TSHZ2: variants seen among roughly 807,000 people sequenced by gnomAD.
The protein encoded by TSHZ2 is teashirt zinc finger homeobox 2.
Under a neutral mutation model 74.4 loss-of-function variants are expected in TSHZ2, and 21 were observed. The ratio of observed to expected loss-of-function variants is 0.28; its 90% confidence interval spans 0.20 to 0.41. TSHZ2 has a LOEUF of 0.41. Among genes scored for constraint, TSHZ2 ranks in the 10% least tolerant of loss-of-function variants. The probability of loss-of-function intolerance (pLI) is 1.00; values close to 1 mark genes in which losing one functional copy is unlikely to be tolerated. For synonymous variants in TSHZ2, 540 were observed against 515.3 expected (o/e 1.05, Z -0.65); for missense variants, 1,244 against 1,293.5 (o/e 0.96, Z 0.59).
rs1293648959 is a variant in TSHZ2 at position 53,456,560 on chromosome 20, A to G, written c.*9-30584A>G. Among the ~76,000 whole-genome samples the G allele has an allele frequency of 5.5e-5, 6 of 109,264 alleles. 1 individual carries two copies. Among genetic ancestry groups the G allele is most frequent in the Admixed American group, 2.9e-4 (3 of 10,504 alleles). The allele number at this position is 109,264 out of a possible 152,430, so 71.7% of individuals were successfully genotyped here. A position where few individuals can be genotyped will look rare whatever the true frequency, so the allele number is the denominator to read the frequency against. On this transcript the variant is annotated intron_variant, in intron 2 of 2. Coordinates refer to ENST00000371497, the MANE Select transcript of TSHZ2 (RefSeq NM_173485.6). ...TTGCTGTGCAGAAGCTCTTTAGTTT[A>G]ATTAGATCCCATTTGTAAATTTTGT...
intron 1 of TSHZ2, among the ~76,000 whole-genome samples, chr20:53,079,199 T>A (rs1985454930): frequency 6.6e-6 from 1 of 152,192 alleles, no homozygotes; most frequent in Admixed American, 6.5e-5. Flanking sequence ...CTACTTTTAG[T>A]AGAAGTCAGT....
intron 2 of TSHZ2, among the ~76,000 whole-genome samples, chr20:53,403,616 G>A (rs1238447254): frequency 2.0e-5 from 3 of 152,208 alleles, no homozygotes; most frequent in Non-Finnish European, 4.4e-5. Context: ...CTGAGTGTGT[G>A]TGCGGTACAC....
intron 2 of TSHZ2, among the ~76,000 whole-genome samples, chr20:53,284,727 C>T (rs564406785): frequency 5.9e-5 from 9 of 151,356 alleles, no homozygotes; most frequent in Non-Finnish European, 1.0e-4. Context: ...CCCCCCACCC[C>T]CATTGTGTGA....
At chr20:53,461,863 CA>C (rs548130924) in intron 2 of TSHZ2, among the ~76,000 whole-genome samples, 58 of 152,186 alleles carry the variant, frequency 3.8e-4, no homozygotes, top group Admixed American at 1.4e-3. Context: ...CAATTTCCAA[CA>C]AACTCTTTTT....
chr20:53,038,866 TTTTG>T (rs1247315914), intron 1 of TSHZ2, among the ~76,000 whole-genome samples: 15 of 134,946 alleles, frequency 1.1e-4, no homozygotes, highest in Admixed American at 6.7e-4. Context: ...CTTGTTTTTT[TTTTG>T]TTTGTTTGTT....
At chr20:53,353,076 G>A (rs76087477) in intron 2 of TSHZ2, among the ~76,000 whole-genome samples, 1,705 of 152,196 alleles carry the variant, frequency 0.011, 35 homozygotes, top group African/African-American at 0.035. Flanking sequence ...ATTTATAAAG[G>A]ACTAGAAAAC....
intron 1 of TSHZ2, among the ~76,000 whole-genome samples, chr20:53,027,294 TACAC>T (rs1051164412): frequency 1.3e-5 from 2 of 152,220 alleles, no homozygotes; most frequent in South Asian, 2.1e-4. Context: ...CATATACACA[TACAC>T]ACATATCCAT....
Position 53,016,036 on chromosome 20 carries a change from T to G in TSHZ2, c.40+42703T>G, listed in dbSNP as rs558028978. 1.4e-3 allele frequency among the ~76,000 whole-genome samples: 212 copies of G among 152,300 alleles called. 3 individuals are homozygous for G. Among genetic ancestry groups the G allele is most frequent in the African/African-American group, 4.4e-3 (183 of 41,566 alleles). ...GCATCATTGTCTCGGCTCAGCGATG[T>G]AAATCACCATAATGGACGAATCTTT... On this transcript the variant is annotated intron_variant, in intron 1 of 2. Coordinates refer to ENST00000371497, the MANE Select transcript of TSHZ2 (RefSeq NM_173485.6).
chr20:53,329,623 C>T (rs556360145), intron 2 of TSHZ2, among the ~76,000 whole-genome samples: 16 of 138,266 alleles, frequency 1.2e-4, no homozygotes, highest in South Asian at 2.2e-4. Flanking sequence ...ATGGGCCTTG[C>T]GTCTAGACTA....
At chr20:53,275,303 T>A (rs1990919879) in intron 2 of TSHZ2, among the ~76,000 whole-genome samples, 1 of 152,160 alleles carries the variant, frequency 6.6e-6, no homozygotes. Context: ...GTCTCCTCTG[T>A]CCTCATGTTA....
At chr20:53,211,914 G>C (rs774539721) in intron 1 of TSHZ2, among the ~76,000 whole-genome samples, 1 of 152,146 alleles carries the variant, frequency 6.6e-6, no homozygotes, top group Admixed American at 6.5e-5. Flanking sequence ...GGAGTCCCTG[G>C]TGTCTGTTAT....
At chr20:53,342,505 T>C in intron 2 of TSHZ2, among the ~76,000 whole-genome samples, 1 of 152,122 alleles carries the variant, frequency 6.6e-6, no homozygotes, top group Non-Finnish European at 1.5e-5. Flanking sequence ...GGGCAATGAT[T>C]CCTTAATAAC....
intron 1 of TSHZ2, among the ~76,000 whole-genome samples, chr20:52,980,356 T>C (rs2122875414): frequency 6.6e-6 from 1 of 152,086 alleles, no homozygotes; most frequent in East Asian, 1.9e-4. Flanking sequence ...TGAAAAGCTG[T>C]AGTGTCCATT....
At chr20:53,175,298 G>A (rs528276434) in intron 1 of TSHZ2, among the ~76,000 whole-genome samples, 3 of 151,576 alleles carry the variant, frequency 2.0e-5, no homozygotes, top group Admixed American at 6.6e-5. Flanking sequence ...CCACCACCAC[G>A]CCTGGCTAAT....
At chr20:53,417,241 G>GACAAACACACAC (rs1983292745) in intron 2 of TSHZ2, among the ~76,000 whole-genome samples, 1 of 138,048 alleles carries the variant, frequency 7.2e-6, no homozygotes, top group African/African-American at 2.7e-5. Context: ...GACACACACA[G>GACAAACACACAC]ACACACACAC....
At chr20:53,291,552 C>A (rs1022885224) in intron 2 of TSHZ2, among the ~76,000 whole-genome samples, 1 of 151,674 alleles carries the variant, frequency 6.6e-6, no homozygotes, top group Non-Finnish European at 1.5e-5. Flanking sequence ...AGAATCTACA[C>A]CAGCTAACAG....
chr20:53,200,200 A>G (rs1018816627), intron 1 of TSHZ2, among the ~76,000 whole-genome samples: 1 of 152,148 alleles, frequency 6.6e-6, no homozygotes, highest in Non-Finnish European at 1.5e-5. Flanking sequence ...TCCTCAGGGT[A>G]TACACAGTCT....
intron 2 of TSHZ2, among the ~76,000 whole-genome samples, chr20:53,468,625 G>A (rs1372257913): frequency 7.6e-6 from 1 of 131,782 alleles, no homozygotes; most frequent in Non-Finnish European, 1.5e-5. Flanking sequence ...TATTTCCATA[G>A]ACATGCAAAG....
At chr20:53,247,482 C>G (rs747532960) in intron 1 of TSHZ2, among the ~76,000 whole-genome samples, 48 of 152,220 alleles carry the variant, frequency 3.2e-4, no homozygotes, top group Non-Finnish European at 5.7e-4. Context: ...TCCTTGAACA[C>G]TGAATCCTAT....
Sources: gnomAD v4.1 joint callset for allele counts (sites outside exome capture counted in the v4.1 genomes callset) on GRCh38, gnomAD v4.1.1 for gene constraint, MANE v1.5 for transcripts, NCBI Gene and HGNC (gene_info 2026-07-23, HGNC 2026-07-21) for gene names.